Variants in VSTM1 observed in about 807,000 individuals in gnomAD.
VSTM1 encodes V-set and transmembrane domain containing 1.
Under a neutral mutation model 33.1 loss-of-function variants are expected in VSTM1, and 27 were observed. The ratio of observed to expected loss-of-function variants is 0.82; its 90% CI spans 0.60 to 1.12. The LOEUF (loss-of-function observed/expected upper bound fraction) is 1.12. Ranked by LOEUF, VSTM1 falls within the 50% of genes most tolerant of loss-of-function variation. The probability of loss-of-function intolerance (pLI) is 0.00; values close to 1 mark genes in which losing one functional copy is unlikely to be tolerated. For synonymous variants in VSTM1, 115 were observed against 110.3 expected (o/e 1.04, Z -0.27); for missense variants, 304 against 288.9 (o/e 1.05, Z -0.38).
At chr19:54,049,844 C>T (rs2070754550) in intron 4 of VSTM1, among the ~76,000 whole-genome samples, 1 of 152,020 alleles carries the variant, frequency 6.6e-6, no homozygotes, top group South Asian at 2.1e-4. Flanking sequence ...AACTTTGGCT[C>T]TTTGGAGTAG....
Position 54,041,937 on chromosome 19 carries a change from G to A in VSTM1, c.532C>T (p.Leu178Phe). 2 of 1,614,164 alleles carry A rather than the reference G, an allele frequency of 1.2e-6. No individual in the cohort carries two copies. The highest frequency in any genetic ancestry group is 1.7e-6 in the Non-Finnish European group (2 of 1,180,036). Residue 178 changes from leucine to phenylalanine, a missense_variant, in exon 7 of 9, where the codon CTT becomes TTT. Coordinates refer to ENST00000338372, the MANE Select transcript of VSTM1 (RefSeq NM_198481.4). The stretch of plus-strand genomic sequence containing the variant: ...TTACCGGCAGCCTCCTGCTCCGGAA[G>A]TTTGGAATGGCTGGTTCTGAAAGAG... ...ESTKRTSHSK[L>F]PEQEAAEADL... is the part of the protein sequence containing the mutation.
chr19:54,060,463 A>AACC (rs2071340044), intron 1 of VSTM1, among the ~76,000 whole-genome samples: 1 of 151,758 alleles, frequency 6.6e-6, no homozygotes, highest in Non-Finnish European at 1.5e-5. Context: ...ACAGAACGTG[A>AACC]CCCCCCACCA....
In VSTM1 at chr19:54,047,024, C is replaced by T. The variant is rs1408497631; in HGVS notation, c.394+4386G>A. On this transcript the variant is annotated intron_variant, in intron 4 of 8. Transcript: ENST00000338372. ...CAGCCTGACCAACATGGAGAAACCC[C>T]GTCTCTACTAAAAATAGAATATTAG... 2.6e-5 allele frequency among the ~76,000 whole-genome samples: 4 copies of T among 151,984 alleles called. No homozygotes were observed. In the South Asian group the frequency reaches 6.2e-4, roughly 24 times the overall value.
intron 4 of VSTM1, among the ~76,000 whole-genome samples, chr19:54,045,998 TATCTA>T (rs2070565507): frequency 6.6e-6 from 1 of 152,122 alleles, no homozygotes; most frequent in Admixed American, 6.6e-5. Flanking sequence ...TCTATTTATC[TATCTA>T]ATCTATCATA....
At chr19:54,054,477 G>C (rs1205657469) in intron 3 of VSTM1, among the ~76,000 whole-genome samples, 1 of 142,678 alleles carries the variant, frequency 7.0e-6, no homozygotes, top group African/African-American at 2.6e-5. Context: ...CCCAAGCCCA[G>C]GCTAAGTCAT....
chr19:54,054,836 AATGGATAGATGAATGG>A (rs2071009629), intron 3 of VSTM1, among the ~76,000 whole-genome samples: 1 of 109,820 alleles, frequency 9.1e-6, no homozygotes, highest in Non-Finnish European at 2.1e-5. Context: ...TGGATGGATT[AATGGATAGATGAATGG>A]ATGGATGGAT....
chr19:54,041,397 G>C (rs1399675289), intron 8 of VSTM1, among the ~76,000 whole-genome samples: 1 of 151,944 alleles, frequency 6.6e-6, no homozygotes, highest in Admixed American at 6.6e-5. Context: ...CGCCTCCCGG[G>C]TTCAAGCCAT....
intron 4 of VSTM1, among the ~76,000 whole-genome samples, chr19:54,043,204 T>C (rs1047470518): frequency 2.0e-5 from 3 of 151,958 alleles, no homozygotes. Context: ...ATCCAATCAG[T>C]TGAAGACTTT....
intron 1 of VSTM1, among the ~76,000 whole-genome samples, chr19:54,060,793 T>A (rs990445355): frequency 6.6e-6 from 1 of 151,546 alleles, no homozygotes; most frequent in Non-Finnish European, 1.5e-5. Flanking sequence ...TGGGCTCAAG[T>A]GATCCATCCA....
At chr19:54,054,660 T>A (rs2070998989) in intron 3 of VSTM1, among the ~76,000 whole-genome samples, 1 of 140,738 alleles carries the variant, frequency 7.1e-6, no homozygotes, top group African/African-American at 2.6e-5. Context: ...GATGGATGGA[T>A]GGATAGATGG....
At chr19:54,046,635 T>C (rs781742613) in intron 4 of VSTM1, among the ~76,000 whole-genome samples, 10 of 151,974 alleles carry the variant, frequency 6.6e-5, no homozygotes, top group Non-Finnish European at 1.0e-4. Flanking sequence ...TTCTAGATCG[T>C]GGCTTCTTTC....
At chr19:54,053,219 T>C (rs1291294824) in intron 3 of VSTM1, among the ~76,000 whole-genome samples, 1 of 141,140 alleles carries the variant, frequency 7.1e-6, no homozygotes, top group Admixed American at 7.3e-5. Context: ...CTGCTCTCTC[T>C]CCCTGGAGGG....
chr19:54,045,552 A>G (rs2070534066), intron 4 of VSTM1, among the ~76,000 whole-genome samples: 1 of 152,112 alleles, frequency 6.6e-6, no homozygotes, highest in Admixed American at 6.6e-5. Flanking sequence ...CTACCGACTT[A>G]CCTATCATCT....
chr19:54,056,384 G>A (rs2071103141), intron 3 of VSTM1, among the ~76,000 whole-genome samples: 1 of 137,206 alleles, frequency 7.3e-6, no homozygotes, highest in Non-Finnish European at 1.6e-5. Context: ...ACCACACCCA[G>A]GTAATTATTG....
intron 4 of VSTM1, among the ~76,000 whole-genome samples, chr19:54,045,938 TCTAG>T (rs1197431168): frequency 6.6e-6 from 1 of 152,166 alleles, no homozygotes; most frequent in Non-Finnish European, 1.5e-5. Context: ...TTATCTATCA[TCTAG>T]CTAGCTAGCT....
chr19:54,055,672 C>T lies in VSTM1; in HGVS notation c.355+2634G>A, dbSNP rs1352616874. 7 of 142,458 alleles carry T rather than the reference C, an allele frequency of 4.9e-5. 1 individual carries two copies. The highest frequency in any genetic ancestry group is 1.1e-4 in the Non-Finnish European group (7 of 64,412). 8.8% of individuals were successfully genotyped at this position (142,458 alleles called of 1,614,324 possible). A position where few individuals can be genotyped will look rare whatever the true frequency, so the allele number is the denominator to read the frequency against. The stretch of plus-strand genomic sequence containing the variant: ...GCCTGACTTGTAATGGTTCTGGGAT[C>T]CCCATTTTCAACAGAGCAATTACAA... On this transcript the variant is annotated intron_variant, in intron 3 of 8. Transcript: ENST00000338372.
chr19:54,047,183 G>A lies in VSTM1; in HGVS notation c.394+4227C>T, dbSNP rs552308182. On this transcript the variant is annotated intron_variant, in intron 4 of 8. Coordinates refer to ENST00000338372, the MANE Select transcript of VSTM1 (RefSeq NM_198481.4). ...GCACTCCAGCCTGGGCAACAAGAGCGAAACTCTGTCTCAAAACTAAATAAA... is the reference window on the plus strand; with the variant it reads ...GCACTCCAGCCTGGGCAACAAGAGCAAAACTCTGTCTCAAAACTAAATAAA... Among the ~76,000 whole-genome samples the A allele has an allele frequency of 5.8e-4, 89 of 152,186 alleles. 1 individual carries two copies. Among genetic ancestry groups the A allele is most frequent in the African/African-American group, 2.0e-3 (83 of 41,542 alleles).
At chr19:54,059,607 A>C (rs1420097106) in intron 1 of VSTM1, among the ~76,000 whole-genome samples, 2 of 151,770 alleles carry the variant, frequency 1.3e-5, no homozygotes, top group Non-Finnish European at 2.9e-5. Context: ...AGTAGCTGGG[A>C]CTACAGGTGT....
At chr19:54,044,666 T>C (rs1406029870) in intron 4 of VSTM1, among the ~76,000 whole-genome samples, 1 of 152,166 alleles carries the variant, frequency 6.6e-6, no homozygotes, top group Non-Finnish European at 1.5e-5. Context: ...GTCTACATCA[T>C]AGCGTTTTAA....
Sources: gnomAD v4.1 joint callset for allele counts (sites outside exome capture counted in the v4.1 genomes callset) on GRCh38, gnomAD v4.1.1 for gene constraint, MANE v1.5 for transcripts, NCBI Gene and HGNC (gene_info 2026-07-23, HGNC 2026-07-21) for gene names.